Variants in PAN3 observed in about 807,000 individuals in gnomAD.
PAN3 encodes poly(A) specific ribonuclease subunit PAN3.
PAN3 carries 19 observed loss-of-function variants against 96.2 expected under a neutral mutation model. The observed-to-expected ratio is 0.20, with a 90% CI of 0.14 to 0.29. The LOEUF (loss-of-function observed/expected upper bound fraction) is 0.29. Among genes scored for constraint, PAN3 ranks in the 10% least tolerant of loss-of-function variants. The pLI, the probability that PAN3 is intolerant of heterozygous loss-of-function variation, is 1.00. For missense variants in PAN3, 882 were observed against 1,108.1 expected, an observed-to-expected ratio of 0.80 and a Z score of 2.90; for synonymous variants, 433 against 406.6, an observed-to-expected ratio of 1.06 and a Z score of -0.78.
chr13:28,224,290 C>T (rs1217062549), intron 6 of PAN3, among the ~76,000 whole-genome samples: 1 of 152,076 alleles, frequency 6.6e-6, no homozygotes, highest in Non-Finnish European at 1.5e-5. Flanking sequence ...GTTTAATTAC[C>T]TCAGTGTTAA....
intron 14 of PAN3, among the ~76,000 whole-genome samples, chr13:28,275,664 T>C (rs931241154): frequency 2.2e-4 from 34 of 152,176 alleles, no homozygotes; most frequent in African/African-American, 8.2e-4. Context: ...TAAAGTGTGA[T>C]TGAGAGGAAT....
At position 28,174,340 on chromosome 13, in the gene PAN3, A is replaced by C; in HGVS notation, c.499A>C (p.Ile167Leu). The stretch of plus-strand genomic sequence containing the variant: ...AGATTCCTATTTTAGCACCAGCTTT[A>C]TTGGAGTCAATGGATTTGGAAGCCC... ...LTDSYFSTSF[I>L]GVNGFGSPVE... The change falls in exon 2 of 19, where the codon ATT (isoleucine) becomes CTT (leucine). Residue 167 changes from isoleucine (I) to leucine (L), a missense_variant. By Grantham distance (5) the Ile-to-Leu change is conservative. Around this residue, in one of 3 missense-constraint regions of PAN3, gnomAD observed 442 missense variants for 422.8 expected, o/e 1.05. Coordinates refer to ENST00000380958, the MANE Select transcript of PAN3 (RefSeq NM_175854.8). 1.2e-6 allele frequency: 2 copies of C among 1,612,796 alleles called. No homozygotes were observed. The highest frequency in any genetic ancestry group is 1.1e-5 in the South Asian group (1 of 91,058).
intron 1 of PAN3, among the ~76,000 whole-genome samples, chr13:28,157,288 C>T (rs1872316996): frequency 6.6e-6 from 1 of 151,982 alleles, no homozygotes; most frequent in Non-Finnish European, 1.5e-5. Flanking sequence ...TGGGCAAAAG[C>T]TTGAGAACTG....
rs769111137 is a variant in PAN3, at chr13:28,266,770, A to G, written c.1467A>G (p.Pro489=). The G allele has an allele frequency of 3.1e-6, 5 of 1,609,460 alleles. No individual in the cohort carries two copies. Among genetic ancestry groups the G allele is most frequent in the Non-Finnish European group, 4.2e-6 (5 of 1,177,666 alleles). The change falls in exon 10 of 19, where the codon CCA becomes CCG. Residue 489 remains proline (P), a synonymous_variant. Coordinates refer to ENST00000380958, the MANE Select transcript of PAN3 (RefSeq NM_175854.8). ...GCCTATTCCCTCTAGAACCACTGCC[A>G]CCTCCCAACCGGATACAGAAATCAA... ...YHSLFPLEPL[P]PPNRIQKSSN...
intron 9 of PAN3, among the ~76,000 whole-genome samples, chr13:28,266,238 C>A (rs1461441989): frequency 6.6e-6 from 1 of 152,160 alleles, no homozygotes; most frequent in Non-Finnish European, 1.5e-5. Flanking sequence ...GGGTTATCTT[C>A]CGTTCACTTA....
intron 9 of PAN3, among the ~76,000 whole-genome samples, chr13:28,261,832 CA>C (rs10636889): frequency 2.5e-3 from 281 of 112,666 alleles, no homozygotes; most frequent in Middle Eastern, 0.015. Context: ...GACCCTGTCT[CA>C]AAAAAAAAAA....
chr13:28,168,172 A>G (rs539421933), intron 1 of PAN3, among the ~76,000 whole-genome samples: 55 of 152,336 alleles, frequency 3.6e-4, no homozygotes, highest in Non-Finnish European at 6.9e-4. Flanking sequence ...CAGGTTGAGT[A>G]TACCTTATTT....
chr13:28,168,611 T>C (rs945770625), intron 1 of PAN3, among the ~76,000 whole-genome samples: 6 of 152,066 alleles, frequency 3.9e-5, no homozygotes, highest in Admixed American at 2.0e-4. Context: ...CCCAGTTACT[T>C]GGGAGGCTGA....
intron 1 of PAN3, among the ~76,000 whole-genome samples, chr13:28,150,502 T>A (rs915047827): frequency 1.5e-4 from 22 of 151,718 alleles, no homozygotes; most frequent in Non-Finnish European, 2.9e-4. Flanking sequence ...GCGGGCGCGG[T>A]GACGGGCACC....
chr13:28,237,666 A>G (rs1361676631), intron 6 of PAN3, among the ~76,000 whole-genome samples: 1 of 152,206 alleles, frequency 6.6e-6, no homozygotes, highest in Admixed American at 6.5e-5. Flanking sequence ...TGAATATAAT[A>G]GCTTGAAATT....
rs1250740692 is a variant in PAN3 at position 28,265,719 on chromosome 13, G to GTTTTTTTT, written c.1412-978_1412-971dup. 2.0e-4 allele frequency among the ~76,000 whole-genome samples: 2 copies of GTTTTTTTT among 10,044 alleles called. 1 individual carries two copies. Among genetic ancestry groups the GTTTTTTTT allele is most frequent in the African/African-American group, 1.2e-3 (2 of 1,664 alleles). 6.6% of individuals were successfully genotyped at this position (10,044 alleles called of 152,430 possible). A position where few individuals can be genotyped will look rare whatever the true frequency, so the allele number is the denominator to read the frequency against. On this transcript the variant is annotated intron_variant, in intron 9 of 18. Transcript: ENST00000380958. ...ATTATCAGTTGTTTTTGTTTATAGG[G>GTTTTTTTT]TTTTTTTTTTTTTTTTTTTTTTTTT...
chr13:28,293,387 G>GTTTTTTTT lies in PAN3; in HGVS notation c.*887_*894dup, dbSNP rs71086844. The GTTTTTTTT allele has an allele frequency of 4.4e-3, 95 of 21,362 alleles. 19 individuals carry two copies. The highest frequency in any genetic ancestry group is 0.012 in the South Asian group (3 of 254). 1.3% of individuals were successfully genotyped at this position (21,362 alleles called of 1,614,324 possible). On this transcript the variant is annotated 3_prime_UTR_variant, in exon 19 of 19. Coordinates refer to ENST00000380958, the MANE Select transcript of PAN3 (RefSeq NM_175854.8). ...ACTTTAGGTTCTTTCCAGTTTGCTGGTTTTTTTTTTTTTTTTTTTTTTTTT... is the reference window on the plus strand; with the variant it reads ...ACTTTAGGTTCTTTCCAGTTTGCTGGTTTTTTTTTTTTTTTTTTTTTTTTTTTTTTTTT...
At chr13:28,162,426 T>C (rs1018903016) in intron 1 of PAN3, among the ~76,000 whole-genome samples, 7 of 152,282 alleles carry the variant, frequency 4.6e-5, no homozygotes, top group Admixed American at 3.9e-4. Flanking sequence ...GGCTCATGCC[T>C]GTAATCCCAG....
At chr13:28,184,059 T>C (rs1876141688) in intron 4 of PAN3, among the ~76,000 whole-genome samples, 1 of 152,168 alleles carries the variant, frequency 6.6e-6, no homozygotes. Context: ...TTCTTTGAGA[T>C]GTTCAGGCCT....
chr13:28,257,767 T>TA (rs1380523455), intron 7 of PAN3, among the ~76,000 whole-genome samples: 23 of 139,036 alleles, frequency 1.7e-4, no homozygotes, highest in South Asian at 4.6e-4. Flanking sequence ...TAATTATATA[T>TA]TATATATAAA....
intron 6 of PAN3, among the ~76,000 whole-genome samples, chr13:28,233,981 C>T (rs1338849403): frequency 1.3e-5 from 2 of 152,172 alleles, no homozygotes; most frequent in Non-Finnish European, 2.9e-5. Context: ...ACCCCTAAAC[C>T]TACCAATCCA....
chr13:28,289,744 T>TGGTGACAGGCAC (rs1391772209), intron 18 of PAN3, among the ~76,000 whole-genome samples: 155 of 152,254 alleles, frequency 1.0e-3, no homozygotes, highest in Non-Finnish European at 1.4e-3. Context: ...TAGCCGGGCA[T>TGGTGACAGGCAC]GGTGACAGGC....
At chr13:28,148,978 CAT>C (rs1871029597) in intron 1 of PAN3, among the ~76,000 whole-genome samples, 1 of 151,868 alleles carries the variant, frequency 6.6e-6, no homozygotes, top group African/African-American at 2.4e-5. Context: ...TATTTATTTA[CAT>C]ATATATTTAC....
At chr13:28,269,219 G>T (rs370994452) in intron 12 of PAN3, among the ~76,000 whole-genome samples, 58 of 152,246 alleles carry the variant, frequency 3.8e-4, no homozygotes, top group African/African-American at 1.3e-3. Flanking sequence ...GTTGCCAAAT[G>T]CTGGAGTGGT....
Sources: gnomAD v4.1 joint callset for allele counts (sites outside exome capture counted in the v4.1 genomes callset) on GRCh38, gnomAD v4.1.1 for gene constraint, gnomAD v4.1.1 regional missense constraint, MANE v1.5 for transcripts, NCBI Gene and HGNC (gene_info 2026-07-23, HGNC 2026-07-21) for gene names.